The following CAMTA1 variants were observed in gnomAD, a reference collection of about 807,000 sequenced individuals.
CAMTA1 encodes the protein calmodulin binding transcription activator 1.
CAMTA1 carries 27 observed loss-of-function variants against 170.9 expected under a neutral mutation model. The observed-to-expected ratio is 0.16, with a 90% CI of 0.12 to 0.22. The LOEUF is 0.22. Ranked by LOEUF, CAMTA1 falls within the 10% of genes least tolerant of loss-of-function variation. The pLI is 1.00. For missense variants in CAMTA1, 1,619 were observed against 2,217.2 expected, an observed-to-expected ratio of 0.73 and a Z score of 5.42; for synonymous variants, 833 against 891.5, an observed-to-expected ratio of 0.93 and a Z score of 1.17.
chr1:7,020,756 A>G (rs1206610055), intron 3 of CAMTA1, among the ~76,000 whole-genome samples: 1 of 152,158 alleles, frequency 6.6e-6, no homozygotes, highest in Non-Finnish European at 1.5e-5. Flanking sequence ...AAGGACCATG[A>G]TCAGAGACAG....
At chr1:7,235,006 C>T (rs1428441800) in intron 4 of CAMTA1, among the ~76,000 whole-genome samples, 3 of 152,020 alleles carry the variant, frequency 2.0e-5, no homozygotes, top group African/African-American at 4.8e-5. Context: ...AGGCTGGTCT[C>T]GAACTCCTGA....
intron 6 of CAMTA1, among the ~76,000 whole-genome samples, chr1:7,573,830 G>T (rs2095155545): frequency 6.6e-6 from 1 of 152,162 alleles, no homozygotes; most frequent in African/African-American, 2.4e-5. Flanking sequence ...CTGGAGTGCA[G>T]TGGCGCCATC....
chr1:6,883,118 C>T (rs1208784458), intron 3 of CAMTA1, among the ~76,000 whole-genome samples: 1 of 151,862 alleles, frequency 6.6e-6, no homozygotes, highest in African/African-American at 2.4e-5. Context: ...GGTCTCGATC[C>T]CCTGACTTCA....
chr1:7,545,878 C>T (rs921723521), intron 6 of CAMTA1, among the ~76,000 whole-genome samples: 37 of 152,176 alleles, frequency 2.4e-4, no homozygotes, highest in African/African-American at 8.9e-4. Flanking sequence ...TGTTGTCCCC[C>T]CGGACATGTC....
intron 5 of CAMTA1, among the ~76,000 whole-genome samples, chr1:7,283,200 A>C (rs1025582244): frequency 6.6e-6 from 1 of 152,120 alleles, no homozygotes; most frequent in Non-Finnish European, 1.5e-5. Flanking sequence ...ACCAAGATGC[A>C]CTTTACACAC....
chr1:6,902,731 C>T (rs961651696), intron 3 of CAMTA1, among the ~76,000 whole-genome samples: 3 of 152,182 alleles, frequency 2.0e-5, no homozygotes, highest in Non-Finnish European at 2.9e-5. Flanking sequence ...AGGTGTTCAA[C>T]GTCAGGGAAA....
At chr1:7,623,740 C>T (rs915132550) in intron 6 of CAMTA1, among the ~76,000 whole-genome samples, 12 of 152,222 alleles carry the variant, frequency 7.9e-5, no homozygotes, top group Non-Finnish European at 1.3e-4. Context: ...TCAGGTGTTC[C>T]GCCCGCCTCG....
intron 4 of CAMTA1, among the ~76,000 whole-genome samples, chr1:7,149,096 C>T (rs930954456): frequency 2.0e-5 from 3 of 152,174 alleles, no homozygotes; most frequent in Admixed American, 6.5e-5. Context: ...ATTGGGGTGT[C>T]GGGGCGTAGG....
chr1:6,820,272 G>A (rs1646334120), intron 2 of CAMTA1, 22 bp downstream of exon 2: 10 of 1,613,660 alleles, frequency 6.2e-6, no homozygotes, highest in East Asian at 2.2e-5. Flanking sequence ...AAAAGCTTTT[G>A]ACTTACAGGA....
At chr1:7,109,862 G>C (rs1480822089) in intron 4 of CAMTA1, among the ~76,000 whole-genome samples, 1 of 152,128 alleles carries the variant, frequency 6.6e-6, no homozygotes, top group Admixed American at 6.5e-5. Context: ...CAGAGGGGAC[G>C]CTGCTGAGGA....
At chr1:7,003,327 T>C (rs2898915) in intron 3 of CAMTA1, among the ~76,000 whole-genome samples, 97,169 of 152,222 alleles carry the variant, frequency 0.64, 32,513 homozygotes, top group African/African-American at 0.85. Context: ...TTGTTATATC[T>C]GAATTGCATT....
intron 1 of CAMTA1, among the ~76,000 whole-genome samples, chr1:6,804,215 A>G (rs1382487420): frequency 7.1e-6 from 1 of 140,544 alleles, no homozygotes; most frequent in Admixed American, 7.4e-5. Context: ...ACAGGGTCTC[A>G]ATATGTTGCC....
In CAMTA1 at chr1:7,014,983, C is replaced by T. The variant is rs1406664698; in HGVS notation, c.235-76321C>T. Among the ~76,000 whole-genome samples, 1 of 152,206 alleles carries T rather than the reference C, an allele frequency of 6.6e-6. No homozygotes were observed. The highest frequency in any genetic ancestry group is 1.5e-5 in the Non-Finnish European group (1 of 68,026). On this transcript the variant is annotated intron_variant, in intron 3 of 22. Coordinates refer to ENST00000303635, the MANE Select transcript of CAMTA1 (RefSeq NM_015215.4). This position sits in a 1 kb window ranked among gnomAD's most constrained non-coding sequence, Gnocchi z 4.2. ...ATGATCTGTACATTGTCCTCCAACT[C>T]TGAGAGCCTCTGATCCTATTATTCC... is the stretch of plus-strand genomic sequence containing the variant.
rs1266064916 is a variant in CAMTA1, at chr1:7,732,165, A to G, written c.2915-283A>G. Among the ~76,000 whole-genome samples the G allele has an allele frequency of 1.3e-5, 2 of 152,102 alleles. No homozygotes were observed. The highest frequency in any genetic ancestry group is 2.9e-5 in the Non-Finnish European group (2 of 68,018). On this transcript the variant is annotated intron_variant, in intron 11 of 22. Coordinates refer to ENST00000303635, the MANE Select transcript of CAMTA1 (RefSeq NM_015215.4). The surrounding 1 kb of genome is among the most constrained non-coding windows in gnomAD (Gnocchi z 4.1). ...AGGGTTTCCGTTGGGGAATTTGACAAAGAAACTAGGGGGCAGGAACCTGAA... is the reference window on the plus strand; with the variant it reads ...AGGGTTTCCGTTGGGGAATTTGACAGAGAAACTAGGGGGCAGGAACCTGAA...
chr1:7,639,152 TGTATTTTTA>T (rs1318446631), intron 6 of CAMTA1, among the ~76,000 whole-genome samples: 1 of 152,114 alleles, frequency 6.6e-6, no homozygotes, highest in Non-Finnish European at 1.5e-5. Flanking sequence ...CTAATTTTTT[TGTATTTTTA>T]GTAGAGATGG....
At chr1:6,910,587 TG>T (rs1273475498) in intron 3 of CAMTA1, among the ~76,000 whole-genome samples, 1 of 152,212 alleles carries the variant, frequency 6.6e-6, no homozygotes, top group Non-Finnish European at 1.5e-5. Context: ...CCTGAGCTGT[TG>T]GAAAGCGGGT....
chr1:7,278,638 C>T (rs1314338428), intron 5 of CAMTA1, among the ~76,000 whole-genome samples: 2 of 152,120 alleles, frequency 1.3e-5, no homozygotes, highest in Non-Finnish European at 2.9e-5. Flanking sequence ...TCTCTAAGTC[C>T]AATCCTGAGT....
At chr1:7,117,620 C>T (rs777342903) in intron 4 of CAMTA1, among the ~76,000 whole-genome samples, 1 of 152,192 alleles carries the variant, frequency 6.6e-6, no homozygotes, top group African/African-American at 2.4e-5. Context: ...CCCTAGTGGG[C>T]ACGGGTGACT....
At chr1:7,174,026 T>C (rs1425327968) in intron 4 of CAMTA1, among the ~76,000 whole-genome samples, 1 of 152,104 alleles carries the variant, frequency 6.6e-6, no homozygotes, top group Non-Finnish European at 1.5e-5. Flanking sequence ...TCCTTGTCAT[T>C]GTGACTGTCA....
Sources: gnomAD v4.1 joint callset for allele counts (sites outside exome capture counted in the v4.1 genomes callset) on GRCh38, gnomAD v4.1.1 for gene constraint, Gnocchi (gnomAD v3.1) non-coding constraint, MANE v1.5 for transcripts, NCBI Gene and HGNC (gene_info 2026-07-23, HGNC 2026-07-21) for gene names.